ZNF44: variants seen among roughly 807,000 people sequenced by gnomAD.
ZNF44 encodes the protein gonadotropin inducible transcription repressor-2.
Under a neutral mutation model 11.7 loss-of-function variants are expected in ZNF44, and 9 were observed. The ratio of observed to expected loss-of-function variants is 0.77; its 90% confidence interval spans 0.46 to 1.35. The LOEUF is 1.35. Among genes scored for constraint, ZNF44 ranks in the 40% most tolerant of loss-of-function variants. The pLI is 0.00. For missense variants in ZNF44, 696 were observed against 743.1 expected (o/e 0.94, Z 0.74); for synonymous variants, 224 against 242.7 (o/e 0.92, Z 0.72).
At chr19:12,229,349 C>T (rs535825289) in intron 3 of ZNF44, among the ~76,000 whole-genome samples, 11 of 152,070 alleles carry the variant, frequency 7.2e-5, no homozygotes, top group Non-Finnish European at 1.3e-4. Context: ...CCTTTAATTC[C>T]AGGGGTTCCA....
intron 1 of ZNF44, chr19:12,284,952 G>A: frequency 1.4e-6 from 1 of 730,448 alleles, no homozygotes; most frequent in Non-Finnish European, 2.4e-6. Context: ...GCTCATGATG[G>A]CTGGTATCAG....
At chr19:12,248,674 G>A (rs561591785) in exon 8 of ZNF44, 6 of 1,266,454 alleles carry the variant, frequency 4.7e-6, no homozygotes, top group African/African-American at 1.6e-5. Flanking sequence ...TCTACCATAT[G>A]ATTTCTGTAA....
chr19:12,272,451 A>C lies in ZNF44; in HGVS notation c.1804T>G (p.Ser602Ala). 6.3e-7 allele frequency: 1 copy of C among 1,585,692 alleles called. No individual in the cohort carries two copies. Among genetic ancestry groups the C allele is most frequent in the South Asian group, 1.2e-5 (1 of 86,192 alleles). The change falls in exon 4 of 4, where the codon TCC becomes GCC. Residue 602 changes from serine (S) to alanine (A), a missense_variant. Physicochemically the swap from Ser to Ala is moderately conservative, Grantham distance 99 (BLOSUM62 1). Transcript: ENST00000355684. Reference protein sequence around the residue: ...ECGKAFSSLSSFNRHKRTHWK... With the variant: ...ECGKAFSSLSAFNRHKRTHWK... ...TGTGTCCTTTTATGTCTATTAAAGG[A>C]ACTGAGAGAACTGAAGGCTTTCCCA... is the stretch of plus-strand genomic sequence containing the variant.
intron 1 of ZNF44, among the ~76,000 whole-genome samples, chr19:12,293,009 A>G (rs540039748): frequency 6.6e-6 from 1 of 152,026 alleles, no homozygotes; most frequent in South Asian, 2.1e-4. Context: ...AGCTGGGATT[A>G]CAGGCACCTG....
chr19:12,250,168 G>A, intron 6 of ZNF44: 1 of 1,276,844 alleles, frequency 7.8e-7, no homozygotes, highest in Non-Finnish European at 1.0e-6. Flanking sequence ...CCACATCTTG[G>A]AATAGCATTG....
Position 12,294,866 on chromosome 19 carries a change from G to T in ZNF44, c.-172C>A. ...CCTGGAACGTCACACCCTCCTCTCT[G>T]CCTCGCGCCTGATTGACAATTCTCA... On this transcript the variant is annotated 5_prime_UTR_variant, in exon 1 of 4. Coordinates refer to ENST00000355684, the MANE Select transcript of ZNF44 (RefSeq NM_016264.4). 3 of 701,778 alleles carry T rather than the reference G, an allele frequency of 4.3e-6. No individual in the cohort carries two copies. The highest frequency in any genetic ancestry group is 4.3e-5 in the South Asian group (2 of 46,422). The allele number at this position is 701,778 out of a possible 1,614,324, so 43.5% of individuals were successfully genotyped here.
rs916708111 is a variant in ZNF44, at chr19:12,261,172, C to T, written c.1913-10804G>A. Among the ~76,000 whole-genome samples, 8 of 152,204 alleles carry T rather than the reference C, an allele frequency of 5.3e-5. 1 individual carries two copies. The highest frequency in any genetic ancestry group is 5.2e-4 in the Admixed American group (8 of 15,272). Reference sequence around the variant, plus strand: ...GTGGGGCTGGGCGCAAGTTCCTCTGCATGGGCAGCTGGTTATGTGGTTTGA... The same window carrying T: ...GTGGGGCTGGGCGCAAGTTCCTCTGTATGGGCAGCTGGTTATGTGGTTTGA... On this transcript the variant is annotated intron_variant and NMD_transcript_variant, in intron 5 of 7. Transcript: ENST00000393337.
chr19:12,263,493 G>A (rs1014527139), intron 5 of ZNF44, among the ~76,000 whole-genome samples: 2 of 152,164 alleles, frequency 1.3e-5, no homozygotes, highest in African/African-American at 4.8e-5. Flanking sequence ...ATGCAAAACA[G>A]AAGGCTGGGA....
At chr19:12,292,439 C>T (rs188386162) in intron 1 of ZNF44, among the ~76,000 whole-genome samples, 54 of 152,140 alleles carry the variant, frequency 3.5e-4, no homozygotes, top group African/African-American at 1.2e-3. Flanking sequence ...GATAGGATGC[C>T]CTTTACAGTT....
At chr19:12,253,340 CCACCA>C (rs1205845690) in intron 5 of ZNF44, among the ~76,000 whole-genome samples, 1 of 151,836 alleles carries the variant, frequency 6.6e-6, no homozygotes, top group Non-Finnish European at 1.5e-5. Flanking sequence ...CAGGCACATG[CCACCA>C]CACCTGGCTA....
At chr19:12,284,731 G>A in intron 1 of ZNF44, 1 of 747,596 alleles carries the variant, frequency 1.3e-6, no homozygotes, top group South Asian at 1.5e-5. Flanking sequence ...GGAGTTAAGT[G>A]CTCCAAGGAG....
In ZNF44 at chr19:12,254,474, G is replaced by C. The variant is rs563252282; in HGVS notation, c.1913-4106C>G. 7.9e-5 allele frequency among the ~76,000 whole-genome samples: 12 copies of C among 152,148 alleles called. No individual in the cohort carries two copies. In the South Asian group the frequency reaches 2.5e-3, roughly 32 times the overall value. On this transcript the variant is annotated intron_variant and NMD_transcript_variant, in intron 5 of 7. Coordinates refer to the ZNF44 transcript ENST00000393337. ...AAAGGCTGGGCCTGGTGGCTCACAC[G>C]TGCAATCCCAGCACTTTGGAGGCCA...
chr19:12,276,079 A>C lies in ZNF44; in HGVS notation c.7T>G (p.Ser3Ala). The change falls in exon 2 of 4, where the codon TCA becomes GCA. Residue 3 changes from serine (S) to alanine (A), a missense_variant. Coordinates refer to ENST00000355684, the MANE Select transcript of ZNF44 (RefSeq NM_016264.4). MD[S>A]VAFEDVAVNF... ...ACAGCCACATCCTCAAAGGCCACTGAGTCCTGAAACATCCCATATGTCCAG... is the reference window on the plus strand; with the variant it reads ...ACAGCCACATCCTCAAAGGCCACTGCGTCCTGAAACATCCCATATGTCCAG... The C allele has an allele frequency of 6.2e-7, 1 of 1,604,264 alleles. No individual in the cohort carries two copies.
chr19:12,263,143 T>C (rs914293380), intron 5 of ZNF44, among the ~76,000 whole-genome samples: 1 of 151,446 alleles, frequency 6.6e-6, no homozygotes, highest in African/African-American at 2.4e-5. Context: ...TGGAGTGCAA[T>C]GGCGCAATCT....
intron 5 of ZNF44, among the ~76,000 whole-genome samples, chr19:12,266,574 G>A (rs1025509215): frequency 6.6e-6 from 1 of 152,186 alleles, no homozygotes; most frequent in African/African-American, 2.4e-5. Context: ...AGTGCAGAGA[G>A]GAGAGGTAAG....
downstream of ZNF44, among the ~76,000 whole-genome samples, chr19:12,269,544 TAA>T (rs529827011): frequency 2.8e-3 from 423 of 151,832 alleles, no homozygotes; most frequent in African/African-American, 9.5e-3. Flanking sequence ...TAAAATAAAA[TAA>T]GAGATGGAGT....
Position 12,276,022 on chromosome 19 carries a change from C to G in ZNF44, c.64G>C (p.Gly22Arg), listed in dbSNP as rs556869733. ...NFTHEEWALL[G>R]PSQKNLYRDV... is the part of the protein sequence containing the mutation. ...CTGTAGAGATTCTTCTGTGATGGACCCAGCAAAGCCCACTCCTCATGGGTG... is the reference window on the plus strand; with the variant it reads ...CTGTAGAGATTCTTCTGTGATGGACGCAGCAAAGCCCACTCCTCATGGGTG... The change falls in exon 2 of 4, where the codon GGT becomes CGT. Residue 22 changes from glycine to arginine, a missense_variant. Physicochemically the swap from Gly to Arg is moderately radical, Grantham distance 125. Transcript: ENST00000355684. 7 of 1,609,728 alleles carry G rather than the reference C, an allele frequency of 4.3e-6. No individual in the cohort carries two copies. The highest frequency in any genetic ancestry group is 4.2e-6 in the Non-Finnish European group (5 of 1,177,028).
intron 7 of ZNF44, chr19:12,248,764 C>T (rs1321491257): frequency 5.7e-6 from 5 of 869,936 alleles, no homozygotes; most frequent in Middle Eastern, 4.2e-4. Context: ...ATTTTTTCCA[C>T]TTTCAGGGAA....
At chr19:12,247,285 C>A, downstream of ZNF44, 1 of 1,226,240 alleles carries the variant, frequency 8.2e-7, no homozygotes, top group Non-Finnish European at 1.0e-6. Flanking sequence ...TTCTATTCAG[C>A]GTGCACTTTC....
Sources: gnomAD v4.1 joint callset for allele counts (sites outside exome capture counted in the v4.1 genomes callset) on GRCh38, gnomAD v4.1.1 for gene constraint, MANE v1.5 for transcripts, NCBI Gene and HGNC (gene_info 2026-07-23, HGNC 2026-07-21) for gene names.